NRG2: variants seen among roughly 807,000 people sequenced by gnomAD.
NRG2 encodes pro-neuregulin-2, membrane-bound isoform.
In NRG2, 27 loss-of-function variants were observed where a neutral mutation model predicts 73.9. The observed-to-expected ratio is 0.37, with a 90% CI of 0.27 to 0.50. The LOEUF (loss-of-function observed/expected upper bound fraction) is 0.50. NRG2 is among the 20% of genes least tolerant of loss of function. The pLI is 0.96. For missense variants in NRG2, 1,126 were observed against 1,210.1 expected (o/e 0.93, Z 1.03); for synonymous variants, 532 against 541.0 (o/e 0.98, Z 0.23).
intron 1 of NRG2, among the ~76,000 whole-genome samples, chr5:139,973,576 G>A (rs1413124119): frequency 6.6e-6 from 1 of 152,132 alleles, no homozygotes; most frequent in Admixed American, 6.5e-5. Context: ...TGCCCACACT[G>A]GTCTCAAACT....
chr5:140,042,487 T>C lies in NRG2; in HGVS notation c.583A>G (p.Ile195Val), dbSNP rs755150993. The change falls in exon 1 of 10, where the codon ATC (isoleucine) becomes GTC (valine). Residue 195 changes from isoleucine (I) to valine (V), a missense_variant. Ile to Val is a conservative substitution (Grantham distance 29). Around this residue, in one of 3 missense-constraint regions of NRG2, gnomAD observed 539 missense variants for 703.2 expected, o/e 0.77. Transcript: ENST00000361474. ...CVPLERNQRY[I>V]FFLEPTEQPL... ...TGTTCCGTGGGCTCCAGGAAAAAGA[T>C]GTAGCGCTGGTTCCTTTCGAGCGGC... 2.1e-5 allele frequency: 34 copies of C among 1,613,630 alleles called. 1 individual carries two copies. Among genetic ancestry groups the C allele is most frequent in the Non-Finnish European group, 2.7e-5 (32 of 1,179,908 alleles).
rs539893612 is a variant in NRG2, at chr5:140,028,984, C to T, written c.700+13386G>A. Among the ~76,000 whole-genome samples, 4 of 152,274 alleles carry T rather than the reference C, an allele frequency of 2.6e-5. No homozygotes were observed. The East Asian group carries it at 7.7e-4, about 29-fold the overall frequency. ...CCGGCTACACTCCCAGATGAAATTC[C>T]AGCCAGAATTATATGCTTGACATGT... On this transcript the variant is annotated intron_variant, in intron 1 of 9. Transcript: ENST00000361474.
intron 1 of NRG2, among the ~76,000 whole-genome samples, chr5:139,980,613 C>T (rs946320489): frequency 6.6e-6 from 1 of 152,258 alleles, no homozygotes; most frequent in African/African-American, 2.4e-5. Context: ...TAAAAGTCAC[C>T]GACTGCCATT....
chr5:139,887,511 G>A lies in NRG2; in HGVS notation c.701C>T (p.Ala234Val). The A allele has an allele frequency of 6.2e-7, 1 of 1,613,932 alleles. No homozygotes were observed. The highest frequency in any genetic ancestry group is 1.1e-5 in the South Asian group (1 of 91,016). ...CATCTTCTTCAACTTGGGCCGGGTG[G>A]CTGTGGGTTACAAGGCAGGTAGGTG... ...EVGKILCTDCATRPKLKKMKS... is the reference protein window; with the variant it reads ...EVGKILCTDCVTRPKLKKMKS... The change falls in exon 2 of 10, where the codon GCC (alanine) becomes GTC (valine). Residue 234 changes from alanine (A) to valine (V), a missense_variant and splice_region_variant. Transcript: ENST00000361474. The surrounding 1 kb of genome is among the most constrained non-coding windows in gnomAD (Gnocchi z 4.5).
At chr5:140,027,253 G>A (rs1315734206) in intron 1 of NRG2, among the ~76,000 whole-genome samples, 1 of 152,140 alleles carries the variant, frequency 6.6e-6, no homozygotes, top group Non-Finnish European at 1.5e-5. Flanking sequence ...CAAAGTACTG[G>A]GACTACAGGC....
intron 3 of NRG2, among the ~76,000 whole-genome samples, chr5:139,872,375 T>G (rs1762918830): frequency 6.6e-6 from 1 of 152,112 alleles, no homozygotes; most frequent in African/African-American, 2.4e-5. Context: ...TTTTCTAAGA[T>G]CTGGAGAGAT....
At chr5:139,918,379 A>C (rs1182977016) in intron 1 of NRG2, among the ~76,000 whole-genome samples, 1 of 152,214 alleles carries the variant, frequency 6.6e-6, no homozygotes, top group East Asian at 1.9e-4. Flanking sequence ...AGATGATAGT[A>C]GCTTTTAGCT....
At chr5:139,938,231 C>T (rs1334772684) in intron 1 of NRG2, among the ~76,000 whole-genome samples, 6 of 152,134 alleles carry the variant, frequency 3.9e-5, no homozygotes, top group Non-Finnish European at 1.5e-5. Context: ...CTAATCAAAT[C>T]CCAGCAGGCT....
At chr5:140,003,727 AGGG>A (rs1290805698) in intron 1 of NRG2, among the ~76,000 whole-genome samples, 3 of 152,204 alleles carry the variant, frequency 2.0e-5, no homozygotes, top group Non-Finnish European at 4.4e-5. Flanking sequence ...GTGGTTAAAA[AGGG>A]GAGTTTGTCA....
intron 1 of NRG2, among the ~76,000 whole-genome samples, chr5:139,991,902 T>G (rs1757658906): frequency 6.6e-6 from 1 of 152,246 alleles, no homozygotes; most frequent in Non-Finnish European, 1.5e-5. Context: ...TAATATATTT[T>G]ATTGGTCAGT....
rs768279391 is a variant in NRG2 at position 139,848,599 on chromosome 5, T to A, written c.1871A>T (p.Asn624Ile). 3.8e-6 allele frequency: 6 copies of A among 1,571,118 alleles called. No homozygotes were observed. In the African/African-American group the frequency reaches 8.4e-5, roughly 22 times the overall value. Residue 624 changes from asparagine (N) to isoleucine (I), a missense_variant, in exon 10 of 10, where the codon AAC becomes ATC. By Grantham distance (149) the Asn-to-Ile change is moderately radical. This residue lies in a region of NRG2 where 402 missense variants were observed against 357.8 expected (regional missense o/e 1.12). Coordinates refer to ENST00000361474, the MANE Select transcript of NRG2 (RefSeq NM_004883.3). ...CGGCAGCGACACGGCGTGCGCCGAG[T>A]TGGGGGACGTGATCTCGAAAGTTGG... is the stretch of plus-strand genomic sequence containing the variant. Reference protein sequence around the residue: ...QVPTFEITSPNSAHAVSLPPA... With the variant: ...QVPTFEITSPISAHAVSLPPA...
At chr5:139,991,678 TG>T (rs1182679117) in intron 1 of NRG2, among the ~76,000 whole-genome samples, 1 of 152,204 alleles carries the variant, frequency 6.6e-6, no homozygotes, top group African/African-American at 2.4e-5. Flanking sequence ...ATTACAGGCG[TG>T]AGCCACTGGG....
chr5:139,876,358 G>A lies in NRG2; in HGVS notation c.991+4498C>T, dbSNP rs181967232. 4.3e-3 allele frequency among the ~76,000 whole-genome samples: 650 copies of A among 152,188 alleles called. 4 individuals carry two copies. Among genetic ancestry groups the A allele is most frequent in the African/African-American group, 0.015 (629 of 41,494 alleles). ...GGAGAAATGGGAGTGGCTGCTAAAG[G>A]GCATGGGGTTTCTTTTTGGGGTGAC... On this transcript the variant is annotated intron_variant, in intron 3 of 9. Transcript: ENST00000361474.
chr5:140,041,886 T>C (rs1030014945), intron 1 of NRG2, among the ~76,000 whole-genome samples: 3 of 151,954 alleles, frequency 2.0e-5, no homozygotes, highest in African/African-American at 7.3e-5. Flanking sequence ...GACCATTCCC[T>C]AGGAGAACTT....
chr5:139,871,490 G>T (rs1762845663), intron 4 of NRG2, among the ~76,000 whole-genome samples: 1 of 152,124 alleles, frequency 6.6e-6, no homozygotes, highest in Admixed American at 6.5e-5. Context: ...CAGGAGATGG[G>T]GTGGGTAGGG....
At chr5:139,908,761 T>A (rs1161260434) in intron 1 of NRG2, among the ~76,000 whole-genome samples, 1 of 152,180 alleles carries the variant, frequency 6.6e-6, no homozygotes, top group Non-Finnish European at 1.5e-5. Context: ...CTGCACAGTC[T>A]CCACAGCCCT....
At chr5:139,929,707 G>C (rs906433745) in intron 1 of NRG2, among the ~76,000 whole-genome samples, 1 of 152,160 alleles carries the variant, frequency 6.6e-6, no homozygotes, top group African/African-American at 2.4e-5. Flanking sequence ...TTAACCACAG[G>C]ATTGCTTCCC....
At chr5:139,866,679 A>C (rs772333403) in intron 4 of NRG2, among the ~76,000 whole-genome samples, 10 of 152,068 alleles carry the variant, frequency 6.6e-5, no homozygotes, top group Non-Finnish European at 1.3e-4. Context: ...CACTGCCTGG[A>C]CCTGCCCTGG....
At chr5:139,881,346 C>T (rs559471416) in intron 2 of NRG2, among the ~76,000 whole-genome samples, 1 of 152,330 alleles carries the variant, frequency 6.6e-6, no homozygotes, top group East Asian at 1.9e-4. Context: ...TCTGCCTCTC[C>T]TGGGAAGTGG....
Sources: allele counts gnomAD v4.1 joint callset (sites outside exome capture counted in the v4.1 genomes callset), GRCh38; gene constraint gnomAD v4.1.1; regional missense constraint gnomAD v4.1.1; non-coding constraint Gnocchi (gnomAD v3.1); transcripts MANE v1.5; gene names NCBI Gene and HGNC (gene_info 2026-07-23, HGNC 2026-07-21).